SRPK1: variants seen among roughly 807,000 people sequenced by gnomAD.
SRPK1 encodes the protein SRSF protein kinase 1, also known as SFRS protein kinase 1.
Under a neutral mutation model 89.5 loss-of-function variants are expected in SRPK1, and 52 were observed. The observed-to-expected ratio is 0.58, with a 90% CI of 0.46 to 0.73. The LOEUF (loss-of-function observed/expected upper bound fraction) is 0.73, where lower values mean the gene tolerates loss of function less well. Ranked by LOEUF, SRPK1 falls within the 30% of genes least tolerant of loss-of-function variation. SRPK1 has a pLI of 0.00. For synonymous variants in SRPK1, 255 were observed against 270.2 expected (o/e 0.94, Z 0.55); for missense variants, 603 against 780.6 (o/e 0.77, Z 2.71).
chr6:35,917,035 G>A (rs1421049696), intron 2 of SRPK1, among the ~76,000 whole-genome samples: 2 of 151,750 alleles, frequency 1.3e-5, no homozygotes, highest in Middle Eastern at 3.2e-3. Context: ...ACTCCAGCCC[G>A]GGTGACAGAG....
intron 7 of SRPK1, 47 bp from the exon 8 acceptor site, chr6:35,872,775 T>C: frequency 1.3e-6 from 2 of 1,506,632 alleles, no homozygotes; most frequent in African/African-American, 1.4e-5. Flanking sequence ...AATACAGGCT[T>C]TCTGGAGAAG....
At chr6:35,883,441 GATT>G (rs1770339145) in intron 6 of SRPK1, among the ~76,000 whole-genome samples, 1 of 148,216 alleles carries the variant, frequency 6.7e-6, no homozygotes, top group South Asian at 2.2e-4. Flanking sequence ...ATCAAAACAA[GATT>G]ATTTAAAATG....
At chr6:35,848,698 C>T (rs559408264) in intron 13 of SRPK1, among the ~76,000 whole-genome samples, 1 of 152,126 alleles carries the variant, frequency 6.6e-6, no homozygotes, top group African/African-American at 2.4e-5. Context: ...AGAAATGAAC[C>T]CACGCATGTA....
chr6:35,869,484 T>C lies in SRPK1; in HGVS notation c.1409A>G (p.Lys470Arg). Reference protein sequence around the residue: ...EQEHNGPLDNKGKSTAGNFLV... With the variant: ...EQEHNGPLDNRGKSTAGNFLV... ...AGGAAGTATAGCTGCATAGGTACCT[T>C]TGTTGTCCAGTGGTCCGTTATGTTC... The change falls in exon 11 of 16, where the codon AAA becomes AGA. Residue 470 changes from lysine to arginine, a missense_variant and splice_region_variant. Physicochemically the swap from Lys to Arg is conservative, Grantham distance 26. Transcript: ENST00000373825. 4.3e-6 allele frequency: 7 copies of C among 1,612,280 alleles called. No homozygotes were observed. The highest frequency in any genetic ancestry group is 5.9e-6 in the Non-Finnish European group (7 of 1,178,522).
At chr6:35,882,155 T>C (rs1174798733) in intron 6 of SRPK1, among the ~76,000 whole-genome samples, 57 of 141,046 alleles carry the variant, frequency 4.0e-4, no homozygotes, top group South Asian at 2.6e-3. Flanking sequence ...GTAGTAGTAG[T>C]AGTAGTAGCA....
intron 13 of SRPK1, among the ~76,000 whole-genome samples, chr6:35,845,015 T>G (rs1769396091): frequency 6.6e-6 from 1 of 152,156 alleles, no homozygotes. Flanking sequence ...TGGAGGAACC[T>G]TAAATGCATA....
intron 2 of SRPK1, among the ~76,000 whole-genome samples, chr6:35,898,347 A>T (rs979067519): frequency 3.3e-5 from 5 of 152,154 alleles, no homozygotes; most frequent in African/African-American, 9.7e-5. Context: ...ATACAGAGTG[A>T]TATAATGGAC....
intron 6 of SRPK1, among the ~76,000 whole-genome samples, chr6:35,883,339 A>G (rs982115711): frequency 6.6e-6 from 1 of 152,154 alleles, no homozygotes; most frequent in African/African-American, 2.4e-5. Flanking sequence ...CAGTGAGCCG[A>G]GATTGCGCCA....
chr6:35,915,505 A>G (rs766646783), intron 2 of SRPK1, among the ~76,000 whole-genome samples: 2 of 152,140 alleles, frequency 1.3e-5, no homozygotes, highest in African/African-American at 2.4e-5. Flanking sequence ...TATTTATCCT[A>G]AGGAAATAAT....
chr6:35,869,479 T>C lies in SRPK1; in HGVS notation c.1411+3A>G, dbSNP rs370339672. ...TGTTGAGGAAGTATAGCTGCATAGG[T>C]ACCTTTGTTGTCCAGTGGTCCGTTA... is the stretch of plus-strand genomic sequence containing the variant. On this transcript the variant is annotated splice_donor_region_variant and intron_variant, in intron 11 of 15. Transcript: ENST00000373825. 25 of 1,611,634 alleles carry C rather than the reference T, an allele frequency of 1.6e-5. No homozygotes were observed. The African/African-American group carries it at 2.8e-4, about 18-fold the overall frequency.
intron 6 of SRPK1, among the ~76,000 whole-genome samples, chr6:35,884,471 T>C (rs1487227038): frequency 3.3e-5 from 5 of 152,224 alleles, no homozygotes; most frequent in Non-Finnish European, 4.4e-5. Flanking sequence ...GGGTATGTTA[T>C]GTTGGGAAAA....
chr6:35,875,039 G>A (rs1283135121), intron 6 of SRPK1, among the ~76,000 whole-genome samples: 2 of 152,150 alleles, frequency 1.3e-5, no homozygotes, highest in Admixed American at 6.5e-5. Context: ...CTACATGCAA[G>A]TTAAGACATA....
intron 13 of SRPK1, among the ~76,000 whole-genome samples, chr6:35,847,650 A>G (rs1278046226): frequency 2.6e-5 from 4 of 152,206 alleles, no homozygotes; most frequent in African/African-American, 7.2e-5. Flanking sequence ...CTATCTGAAA[A>G]ATAAACCAAG....
At chr6:35,894,638 T>TA (rs34485022) in intron 2 of SRPK1, among the ~76,000 whole-genome samples, 300 of 152,166 alleles carry the variant, frequency 2.0e-3, no homozygotes, top group South Asian at 5.2e-3. Flanking sequence ...GGCTTCTAGG[T>TA]AAAAAAAGCT....
At chr6:35,838,920 G>A in intron 14 of SRPK1, 1 of 1,063,408 alleles carries the variant, frequency 9.4e-7, no homozygotes, top group Non-Finnish European at 1.2e-6. Flanking sequence ...GGATACTGAA[G>A]GAAGACTGAC....
At chr6:35,852,982 G>A (rs780858101) in intron 13 of SRPK1, among the ~76,000 whole-genome samples, 2 of 152,216 alleles carry the variant, frequency 1.3e-5, no homozygotes, top group African/African-American at 4.8e-5. Context: ...ACTCATGCCT[G>A]TAATTCCAGT....
rs373010389 is a variant in SRPK1, at chr6:35,919,012, T to G, written c.74+1456A>C. On this transcript the variant is annotated intron_variant, in intron 2 of 15. Transcript: ENST00000373825. The stretch of plus-strand genomic sequence containing the variant: ...TTCCTTGTATCAATAGAAAAGAACG[T>G]TTTAACACATTCTCATCAATTCCAC... 1.2e-4 allele frequency among the ~76,000 whole-genome samples: 18 copies of G among 152,262 alleles called. No individual in the cohort carries two copies. The South Asian group carries it at 3.5e-3, about 30-fold the overall frequency.
intron 2 of SRPK1, among the ~76,000 whole-genome samples, chr6:35,907,284 T>C (rs1325343666): frequency 1.3e-5 from 2 of 152,192 alleles, no homozygotes; most frequent in South Asian, 2.1e-4. Flanking sequence ...TGAACACAGA[T>C]TGAATACTTG....
chr6:35,861,014 G>A (rs1769770962), intron 12 of SRPK1, among the ~76,000 whole-genome samples: 1 of 152,128 alleles, frequency 6.6e-6, no homozygotes, highest in Non-Finnish European at 1.5e-5. Flanking sequence ...CATTCTGAAG[G>A]GAGCCACTGC....
Sources: gnomAD v4.1 joint callset for allele counts (sites outside exome capture counted in the v4.1 genomes callset) on GRCh38, gnomAD v4.1.1 for gene constraint, MANE v1.5 for transcripts, NCBI Gene and HGNC (gene_info 2026-07-23, HGNC 2026-07-21) for gene names.